Variants in SYK observed in about 807,000 individuals in gnomAD.
SYK encodes tyrosine-protein kinase SYK.
Under a neutral mutation model 77.8 loss-of-function variants are expected in SYK, and 16 were observed. The ratio of observed to expected loss-of-function variants is 0.21; its 90% confidence interval spans 0.14 to 0.31. SYK has a LOEUF of 0.31. Ranked by LOEUF, SYK falls within the 10% of genes least tolerant of loss-of-function variation. The probability of loss-of-function intolerance (pLI) is 1.00; values close to 1 mark genes in which losing one functional copy is unlikely to be tolerated. For synonymous variants in SYK, 312 were observed against 308.7 expected, an observed-to-expected ratio of 1.01 and a Z score of -0.11; for missense variants, 529 against 814.4, an observed-to-expected ratio of 0.65 and a Z score of 4.26.
Position 90,854,342 on chromosome 9 carries a change from T to A in SYK, c.579-7864T>A, listed in dbSNP as rs535135842. ...GTGATCAGGCCCAGTAGTTTGCAGA[T>A]GTCTGGAGAGAAACTGAGTCAGAGA... On this transcript the variant is annotated intron_variant, in intron 3 of 13. Transcript: ENST00000375754. 5.9e-5 allele frequency among the ~76,000 whole-genome samples: 9 copies of A among 152,230 alleles called. No homozygotes were observed. The South Asian group carries it at 1.7e-3, about 28-fold the overall frequency.
intron 1 of SYK, among the ~76,000 whole-genome samples, chr9:90,816,355 T>A (rs1489336050): frequency 2.6e-5 from 4 of 152,208 alleles, no homozygotes; most frequent in Non-Finnish European, 5.9e-5. Context: ...CCTTCCACAG[T>A]CATTTTAGTC....
Position 90,810,892 on chromosome 9 carries a change from G to A in SYK, c.-42+8999G>A, listed in dbSNP as rs1044677276. ...AGATAATATGCAGGCATGGGTCCAA[G>A]GGAGGCTTTGCACACCAGGCGGGGG... On this transcript the variant is annotated intron_variant, in intron 1 of 13. Coordinates refer to ENST00000375754, the MANE Select transcript of SYK (RefSeq NM_003177.7). 2.3e-3 allele frequency among the ~76,000 whole-genome samples: 349 copies of A among 152,298 alleles called. 3 individuals carry two copies. Among genetic ancestry groups the A allele is most frequent in the African/African-American group, 8.1e-3 (335 of 41,562 alleles).
At chr9:90,884,649 A>C (rs1345334181) in intron 11 of SYK, among the ~76,000 whole-genome samples, 24 of 52,544 alleles carry the variant, frequency 4.6e-4, no homozygotes, top group East Asian at 3.5e-3. Context: ...ATATATACAC[A>C]TATACACATA....
intron 1 of SYK, among the ~76,000 whole-genome samples, chr9:90,809,644 A>G (rs541363171): frequency 6.6e-6 from 1 of 152,372 alleles, no homozygotes; most frequent in South Asian, 2.1e-4. Flanking sequence ...CAAACCAATG[A>G]GAGACTCAAG....
At chr9:90,810,266 C>T (rs1390880108) in intron 1 of SYK, among the ~76,000 whole-genome samples, 5 of 152,122 alleles carry the variant, frequency 3.3e-5, no homozygotes, top group Non-Finnish European at 7.4e-5. Context: ...GGACAATGTG[C>T]CCCCAGCATC....
chr9:90,882,304 A>G (rs765429603), intron 11 of SYK, among the ~76,000 whole-genome samples: 1 of 152,264 alleles, frequency 6.6e-6, no homozygotes, highest in Non-Finnish European at 1.5e-5. Flanking sequence ...ACAGAAGTAT[A>G]ATCAGTTGTA....
At chr9:90,874,426 C>T (rs1365418114) in intron 8 of SYK, 135 bp downstream of exon 8, 24 of 965,876 alleles carry the variant, frequency 2.5e-5, no homozygotes, top group Non-Finnish European at 3.4e-5. Flanking sequence ...GAAACACTCA[C>T]ATCTAGTGGC....
In SYK at chr9:90,896,116, A is replaced by G. The variant is rs1034327976; in HGVS notation, c.*516A>G. 2 of 233,358 alleles carry G rather than the reference A, an allele frequency of 8.6e-6. No homozygotes were observed. Among genetic ancestry groups the G allele is most frequent in the Non-Finnish European group, 1.7e-5 (2 of 118,224 alleles). The allele number at this position is 233,358 out of a possible 1,614,324, so 14.5% of individuals were successfully genotyped here. ...CTGGCCACTGAAAAGCTTTCCTGAC[A>G]ATAAAAATGTTTTGAGGCTTTAAAA... On this transcript the variant is annotated 3_prime_UTR_variant, in exon 14 of 14. Coordinates refer to ENST00000375754, the MANE Select transcript of SYK (RefSeq NM_003177.7).
chr9:90,848,006 G>A (rs1299936467), intron 3 of SYK, among the ~76,000 whole-genome samples: 2 of 152,206 alleles, frequency 1.3e-5, no homozygotes, highest in Middle Eastern at 3.2e-3. Flanking sequence ...CCTGGCTGGG[G>A]TTCTTGGCTG....
intron 13 of SYK, among the ~76,000 whole-genome samples, chr9:90,889,319 G>A (rs1298366397): frequency 6.6e-6 from 1 of 152,232 alleles, no homozygotes; most frequent in African/African-American, 2.4e-5. Context: ...GTGACCCCAA[G>A]CCGCCATCTC....
intron 2 of SYK, 79 bp downstream of exon 2, chr9:90,844,394 A>T (rs2278275): frequency 7.1e-7 from 1 of 1,404,442 alleles, no homozygotes; most frequent in African/African-American, 1.5e-5. Context: ...CATGCAACAC[A>T]TGTGCCTATG....
chr9:90,844,650 C>T (rs1419322000), intron 2 of SYK, among the ~76,000 whole-genome samples: 1 of 152,238 alleles, frequency 6.6e-6, no homozygotes, highest in African/African-American at 2.4e-5. Flanking sequence ...CTACCATACA[C>T]ACTGATAGGC....
At position 90,896,221 on chromosome 9, in the gene SYK, G is replaced by A. The variant is rs919678436; in HGVS notation, c.*621G>A. 4.3e-6 allele frequency: 1 copy of A among 233,134 alleles called. No individual in the cohort carries two copies. The highest frequency in any genetic ancestry group is 8.5e-6 in the Non-Finnish European group (1 of 118,024). The allele number at this position is 233,134 out of a possible 1,614,324, so 14.4% of individuals were successfully genotyped here. A position where few individuals can be genotyped will look rare whatever the true frequency, so the allele number is the denominator to read the frequency against. Reference sequence around the variant, plus strand: ...AAAGAAAGAAAAAAAAAAAAGGCCTGGATACTGCTTTTGCTGTCTCTGTTA... The same window carrying A: ...AAAGAAAGAAAAAAAAAAAAGGCCTAGATACTGCTTTTGCTGTCTCTGTTA... On this transcript the variant is annotated 3_prime_UTR_variant, in exon 14 of 14. Transcript: ENST00000375754.
Position 90,895,338 on chromosome 9 carries a change from C to T in SYK, c.1836-190C>T, listed in dbSNP as rs946611083. ...TGGGTTATTTAGGTCTACAGTAGGC[C>T]GACACTATTTTTGACAGCCTTGTGG... is the stretch of plus-strand genomic sequence containing the variant. On this transcript the variant is annotated intron_variant, in intron 13 of 13. Coordinates refer to ENST00000375754, the MANE Select transcript of SYK (RefSeq NM_003177.7). The surrounding 1 kb of genome is among the most constrained non-coding windows in gnomAD (Gnocchi z 4.4). Among the ~76,000 whole-genome samples, 8 of 152,102 alleles carry T rather than the reference C, an allele frequency of 5.3e-5. No homozygotes were observed. Among genetic ancestry groups the T allele is most frequent in the African/African-American group, 1.2e-4 (5 of 41,402 alleles).
At chr9:90,890,118 C>T (rs1265487507) in intron 13 of SYK, among the ~76,000 whole-genome samples, 3 of 152,128 alleles carry the variant, frequency 2.0e-5, no homozygotes, top group African/African-American at 7.2e-5. Context: ...GTACTTCTGT[C>T]GATTCTTCTT....
chr9:90,820,289 C>G (rs1825465234), intron 1 of SYK, among the ~76,000 whole-genome samples: 1 of 152,218 alleles, frequency 6.6e-6, no homozygotes, highest in Non-Finnish European at 1.5e-5. Context: ...TAGGCAGTGC[C>G]CCAGTAGGGA....
In SYK at chr9:90,896,161, G is replaced by T; in HGVS notation, c.*561G>T. The T allele has an allele frequency of 4.3e-6, 1 of 231,990 alleles. No homozygotes were observed. The highest frequency in any genetic ancestry group is 6.1e-5 in the East Asian group (1 of 16,460). 14.4% of individuals were successfully genotyped at this position (231,990 alleles called of 1,614,324 possible). A position where few individuals can be genotyped will look rare whatever the true frequency, so the allele number is the denominator to read the frequency against. Reference sequence around the variant, plus strand: ...TTAAAAAGAAAATCAAGTTTGACCAGTGCAGTTTCTAAGCATGTAGCCAGT... The same window carrying T: ...TTAAAAAGAAAATCAAGTTTGACCATTGCAGTTTCTAAGCATGTAGCCAGT... On this transcript the variant is annotated 3_prime_UTR_variant, in exon 14 of 14. Coordinates refer to ENST00000375754, the MANE Select transcript of SYK (RefSeq NM_003177.7).
At chr9:90,830,489 T>A (rs1438645401) in intron 1 of SYK, among the ~76,000 whole-genome samples, 3 of 152,048 alleles carry the variant, frequency 2.0e-5, no homozygotes, top group Non-Finnish European at 4.4e-5. Flanking sequence ...TCCCATCACA[T>A]CACCTCTTCC....
intron 1 of SYK, among the ~76,000 whole-genome samples, chr9:90,808,597 T>G (rs1282631808): frequency 6.6e-6 from 1 of 151,972 alleles, no homozygotes; most frequent in Non-Finnish European, 1.5e-5. Context: ...GTCTGTGTGG[T>G]GTGTGGGTGG....
Sources: gnomAD v4.1 joint callset for allele counts (sites outside exome capture counted in the v4.1 genomes callset) on GRCh38, gnomAD v4.1.1 for gene constraint, Gnocchi (gnomAD v3.1) non-coding constraint, MANE v1.5 for transcripts, NCBI Gene and HGNC (gene_info 2026-07-23, HGNC 2026-07-21) for gene names.